Variants in CYTH1 observed in about 807,000 individuals in gnomAD.
The protein encoded by CYTH1 is cytohesin-1.
Under a neutral mutation model 61.8 loss-of-function variants are expected in CYTH1, and 18 were observed. The ratio of observed to expected loss-of-function variants is 0.29; its 90% confidence interval spans 0.20 to 0.43. The LOEUF (loss-of-function observed/expected upper bound fraction) is 0.43, where lower values mean the gene tolerates loss of function less well. Among genes scored for constraint, CYTH1 ranks in the 20% least tolerant of loss-of-function variants. The pLI is 1.00. For synonymous variants in CYTH1, 174 were observed against 184.3 expected (o/e 0.94, Z 0.45); for missense variants, 336 against 510.5 (o/e 0.66, Z 3.29).
At chr17:78,691,705 T>C (rs2092888372) in intron 11 of CYTH1, 1 of 152,186 alleles carries the variant, frequency 6.6e-6, no homozygotes, top group African/African-American at 2.4e-5. Flanking sequence ...CCATCACCAG[T>C]CCGGTGAGCC....
At chr17:78,723,644 C>G (rs913248511) in intron 1 of CYTH1, 4 of 152,752 alleles carry the variant, frequency 2.6e-5, no homozygotes, top group Non-Finnish European at 5.8e-5. Context: ...TTCCCGGCCT[C>G]CCGGGGGGGA....
At chr17:78,736,388 T>C (rs1239831553) in intron 1 of CYTH1, among the ~76,000 whole-genome samples, 1 of 152,046 alleles carries the variant, frequency 6.6e-6, no homozygotes, top group African/African-American at 2.4e-5. Flanking sequence ...GTTACCTTAA[T>C]ATCTCTCTCT....
intron 1 of CYTH1, among the ~76,000 whole-genome samples, chr17:78,747,336 C>G (rs2093363543): frequency 6.6e-6 from 1 of 151,960 alleles, no homozygotes; most frequent in South Asian, 2.1e-4. Context: ...CAGCAGCATT[C>G]TCTGGTATTT....
chr17:78,760,987 C>T (rs2093426398), intron 1 of CYTH1, among the ~76,000 whole-genome samples: 1 of 152,062 alleles, frequency 6.6e-6, no homozygotes, highest in South Asian at 2.1e-4. Flanking sequence ...AGGCATGCAC[C>T]ACCACACCCG....
intron 1 of CYTH1, among the ~76,000 whole-genome samples, chr17:78,769,598 A>C (rs1381611239): frequency 6.6e-6 from 1 of 152,052 alleles, no homozygotes. Context: ...ACGCTCCTTC[A>C]CAGCTTGCTG....
intron 1 of CYTH1, among the ~76,000 whole-genome samples, chr17:78,747,743 A>G (rs2093364975): frequency 6.6e-6 from 1 of 152,208 alleles, no homozygotes; most frequent in African/African-American, 2.4e-5. Flanking sequence ...TTTTATGACT[A>G]AAGAATCTTC....
In CYTH1 at chr17:78,681,055, T is replaced by G. The variant is rs1162434675; in HGVS notation, c.892-13A>C. On this transcript the variant is annotated splice_polypyrimidine_tract_variant and intron_variant, in intron 11 of 13. Coordinates refer to ENST00000446868, the MANE Select transcript of CYTH1 (RefSeq NM_004762.6). ...GGGGCTCCTTATCCTACAGAACAGT[T>G]GAAGAGAGGAAGTTTAAGATCACAG... 6.2e-7 allele frequency: 1 copy of G among 1,611,592 alleles called. No homozygotes were observed. The highest frequency in any genetic ancestry group is 8.5e-7 in the Non-Finnish European group (1 of 1,179,236).
chr17:78,724,847 C>T (rs769849582), intron 1 of CYTH1, among the ~76,000 whole-genome samples: 3 of 152,224 alleles, frequency 2.0e-5, no homozygotes, highest in Non-Finnish European at 4.4e-5. Context: ...GGCAGTGCCA[C>T]CAGGCCTGAC....
At position 78,772,248 on chromosome 17, in the gene CYTH1, G is replaced by A. The variant is rs527399483; in HGVS notation, c.22+9954C>T. Among the ~76,000 whole-genome samples, 448 of 152,236 alleles carry A rather than the reference G, an allele frequency of 2.9e-3. 2 individuals are homozygous for A. Among genetic ancestry groups the A allele is most frequent in the African/African-American group, 0.01 (417 of 41,522 alleles). ...AAGCAGACTCGACCAGACTCGACAC[G>A]GCTCTCAAGTTGAAGTCTTCCACCG... On this transcript the variant is annotated intron_variant, in intron 1 of 13. Coordinates refer to ENST00000446868, the MANE Select transcript of CYTH1 (RefSeq NM_004762.6).
chr17:78,727,597 A>G, intron 1 of CYTH1: 1 of 454,220 alleles, frequency 2.2e-6, no homozygotes, highest in Non-Finnish European at 4.6e-6. Context: ...GGAGCTGACT[A>G]GGGCACCAGC....
At chr17:78,687,300 C>T (rs1411667992) in intron 11 of CYTH1, among the ~76,000 whole-genome samples, 3 of 151,966 alleles carry the variant, frequency 2.0e-5, no homozygotes, top group African/African-American at 7.3e-5. Flanking sequence ...GCTGTCACTG[C>T]AGAAAACACT....
chr17:78,736,619 G>C (rs2093321204), intron 1 of CYTH1: 1 of 251,460 alleles, frequency 4.0e-6, no homozygotes, highest in Non-Finnish European at 9.2e-6. Flanking sequence ...CTAATGAAAA[G>C]AGATACCTAA....
intron 11 of CYTH1, among the ~76,000 whole-genome samples, chr17:78,682,428 T>G (rs2092773395): frequency 6.6e-6 from 1 of 152,194 alleles, no homozygotes; most frequent in South Asian, 2.1e-4. Flanking sequence ...CTGGACTGGT[T>G]GCCTTGATAC....
At chr17:78,695,914 A>T in intron 10 of CYTH1, 93 bp downstream of exon 10, 1 of 1,359,106 alleles carries the variant, frequency 7.4e-7, no homozygotes. Flanking sequence ...CCGGCAATTA[A>T]AAAACAAAAT....
intron 1 of CYTH1, among the ~76,000 whole-genome samples, chr17:78,779,246 C>A (rs940339099): frequency 6.6e-6 from 1 of 151,572 alleles, no homozygotes; most frequent in African/African-American, 2.4e-5. Context: ...ACTAAAAATA[C>A]AAAATTAGCC....
rs575260677 is a variant in CYTH1, at chr17:78,754,572, T to TC, written c.22+27629dup. The stretch of plus-strand genomic sequence containing the variant: ...TATGTTGCCCAGGCTGGTCTCAAAT[T>TC]CCTGGGCTCAAGCAATCCTCCTACC... On this transcript the variant is annotated intron_variant, in intron 1 of 13. Transcript: ENST00000446868. 1.8e-4 allele frequency among the ~76,000 whole-genome samples: 27 copies of TC among 152,222 alleles called. No individual in the cohort carries two copies. The South Asian group carries it at 5.2e-3, about 29-fold the overall frequency.
chr17:78,740,237 G>A (rs961240214), intron 1 of CYTH1, among the ~76,000 whole-genome samples: 2 of 152,070 alleles, frequency 1.3e-5, no homozygotes, highest in Non-Finnish European at 2.9e-5. Flanking sequence ...CACCAGGCCT[G>A]GAGCTGCTAT....
intron 1 of CYTH1, among the ~76,000 whole-genome samples, chr17:78,746,618 C>A (rs1431167551): frequency 6.6e-6 from 1 of 152,206 alleles, no homozygotes; most frequent in Non-Finnish European, 1.5e-5. Context: ...TTTCTAGCTG[C>A]TCTTCACATA....
At chr17:78,750,243 G>T (rs7208285) in intron 1 of CYTH1, among the ~76,000 whole-genome samples, 6 of 151,982 alleles carry the variant, frequency 3.9e-5, no homozygotes, top group Admixed American at 3.9e-4. Context: ...TGGATAGGCA[G>T]AACAAGAGAA....
Sources: gnomAD v4.1 joint callset for allele counts (sites outside exome capture counted in the v4.1 genomes callset) on GRCh38, gnomAD v4.1.1 for gene constraint, MANE v1.5 for transcripts, NCBI Gene and HGNC (gene_info 2026-07-23, HGNC 2026-07-21) for gene names.